Variants in ABCA5 observed in about 807,000 individuals in gnomAD.
ABCA5 encodes cholesterol transporter ABCA5.
ABCA5 carries 163 observed loss-of-function variants against 206.0 expected under a neutral mutation model. That is an observed-to-expected ratio of 0.79 (90% CI 0.70 to 0.90). ABCA5 has a LOEUF of 0.90. Among genes scored for constraint, ABCA5 ranks in the 40% least tolerant of loss-of-function variants. The pLI, the probability that ABCA5 is intolerant of heterozygous loss-of-function variation, is 0.00. For synonymous variants in ABCA5, 609 were observed against 613.8 expected, an observed-to-expected ratio of 0.99 and a Z score of 0.11; for missense variants, 1,859 against 1,912.9, an observed-to-expected ratio of 0.97 and a Z score of 0.53.
At chr17:69,274,156 T>G in intron 19 of ABCA5, 28 bp from the exon 20 acceptor site, 1 of 1,543,016 alleles carries the variant, frequency 6.5e-7, no homozygotes, top group Admixed American at 2.2e-5. Flanking sequence ...ACAACACAGC[T>G]CAGGGTACAA....
intron 22 of ABCA5, 51 bp downstream of exon 22, chr17:69,270,562 T>C: frequency 6.1e-6 from 9 of 1,469,340 alleles, no homozygotes; most frequent in Non-Finnish European, 8.2e-6. Context: ...TTAATGGTTA[T>C]TATATATATG....
At chr17:69,265,441 T>G (rs925868809) in intron 23 of ABCA5, among the ~76,000 whole-genome samples, 3 of 152,132 alleles carry the variant, frequency 2.0e-5, no homozygotes, top group African/African-American at 7.2e-5. Context: ...CATATAAATC[T>G]AAGGTGTTAT....
chr17:69,247,337 C>T lies in ABCA5; in HGVS notation c.*200G>A. On this transcript the variant is annotated 3_prime_UTR_variant, in exon 39 of 39. Transcript: ENST00000392676. ...TTCAATATACTTCAATACAAACATG[C>T]AGCTTCACTTAATTATACATACGTT... 2 of 478,964 alleles carry T rather than the reference C, an allele frequency of 4.2e-6. No homozygotes were observed. Among genetic ancestry groups the T allele is most frequent in the Admixed American group, 4.0e-5 (1 of 24,866 alleles). The allele number at this position is 478,964 out of a possible 1,614,324, so 29.7% of individuals were successfully genotyped here.
chr17:69,297,501 C>A, intron 9 of ABCA5, 142 bp from the exon 10 acceptor site: 1 of 665,808 alleles, frequency 1.5e-6, no homozygotes, highest in Non-Finnish European at 2.5e-6. Flanking sequence ...TCATGTTGTA[C>A]ACAATAAATA....
Position 69,255,630 on chromosome 17 carries a change from C to T in ABCA5, c.3981G>A (p.Glu1327=). ...KYISFCVKKG[E]ILGLLGPNGA... ...CATTTGGACCCAATAGTCCTAAGAT[C>T]TCTCCTAAAGGAATTGAAAGAAAAA... The change falls in exon 31 of 39, where the codon GAG becomes GAA. Residue 1327 remains glutamate (E), a synonymous_variant. Transcript: ENST00000392676. The T allele has an allele frequency of 3.8e-6, 6 of 1,578,120 alleles. No individual in the cohort carries two copies. The highest frequency in any genetic ancestry group is 5.1e-6 in the Non-Finnish European group (6 of 1,169,726).
intron 1 of ABCA5, among the ~76,000 whole-genome samples, chr17:69,321,285 C>T (rs185503270): frequency 8.0e-4 from 122 of 152,224 alleles, no homozygotes; most frequent in African/African-American, 2.9e-3. Context: ...TGGAGATCCA[C>T]ACAGCAGAGG....
At chr17:69,276,631 A>C (rs1207459782) in intron 19 of ABCA5, among the ~76,000 whole-genome samples, 7 of 152,120 alleles carry the variant, frequency 4.6e-5, no homozygotes, top group Non-Finnish European at 1.5e-5. Flanking sequence ...AAGGAGGGGA[A>C]CATCACACAC....
In ABCA5 at chr17:69,271,154, C is replaced by T. The variant is rs2075268882; in HGVS notation, c.2892+8G>A. On this transcript the variant is annotated splice_region_variant and intron_variant, in intron 21 of 38. Transcript: ENST00000392676. The stretch of plus-strand genomic sequence containing the variant: ...CAAATGGATATTCATTCACTGCATT[C>T]ATCTTACCTTTTCTGAATGCATCAC... 1 of 1,608,254 alleles carries T rather than the reference C, an allele frequency of 6.2e-7. No individual in the cohort carries two copies. The highest frequency in any genetic ancestry group is 8.5e-7 in the Non-Finnish European group (1 of 1,178,572).
intron 1 of ABCA5, among the ~76,000 whole-genome samples, chr17:69,320,185 CTT>C (rs2075851324): frequency 6.6e-6 from 1 of 151,894 alleles, no homozygotes; most frequent in Admixed American, 6.6e-5. Context: ...ATATCATATT[CTT>C]GGAACAAGAG....
At chr17:69,263,907 A>G (rs369886376) in intron 24 of ABCA5, among the ~76,000 whole-genome samples, 13 of 152,064 alleles carry the variant, frequency 8.5e-5, no homozygotes, top group African/African-American at 2.7e-4. Flanking sequence ...TATGTTGACC[A>G]GGATGGTCTT....
In ABCA5 at chr17:69,274,080, C is replaced by G. The variant is rs376636347; in HGVS notation, c.2643G>C (p.Leu881Phe). The change falls in exon 20 of 39, where the codon TTG (leucine) becomes TTC (phenylalanine). Residue 881 changes from leucine to phenylalanine, a missense_variant. Leu to Phe is a conservative substitution (Grantham distance 22). Transcript: ENST00000392676. ...CAGCATTTTTAAAAGAGTGATGAACCAAAAACATAAAAATCTGAACTGTGA... is the reference window on the plus strand; with the variant it reads ...CAGCATTTTTAAAAGAGTGATGAACGAAAAACATAAAAATCTGAACTGTGA... Reference protein sequence around the residue: ...IFFTVQIFMFLVHHSFKNAVV... With the variant: ...IFFTVQIFMFFVHHSFKNAVV... 2 of 1,580,554 alleles carry G rather than the reference C, an allele frequency of 1.3e-6. No homozygotes were observed. The highest frequency in any genetic ancestry group is 2.8e-5 in the African/African-American group (2 of 72,178).
chr17:69,285,918 T>C lies in ABCA5; in HGVS notation c.2252A>G (p.Lys751Arg). 1 of 1,612,428 alleles carries C rather than the reference T, an allele frequency of 6.2e-7. No individual in the cohort carries two copies. Among genetic ancestry groups the C allele is most frequent in the East Asian group, 2.2e-5 (1 of 44,766 alleles). ...DQQLVYSLPF[K>R]DMDKFSGLFS... ...AATACCTGAAAATTTGTCCATGTCCTTGAAAGGCAAGCTATACACAAGTTG... is the reference window on the plus strand; with the variant it reads ...AATACCTGAAAATTTGTCCATGTCCCTGAAAGGCAAGCTATACACAAGTTG... Residue 751 changes from lysine to arginine, a missense_variant, in exon 17 of 39, where the codon AAG becomes AGG. Coordinates refer to ENST00000392676, the MANE Select transcript of ABCA5 (RefSeq NM_172232.4).
intron 19 of ABCA5, 23 bp downstream of exon 19, chr17:69,277,618 A>T: frequency 6.3e-7 from 1 of 1,575,510 alleles, no homozygotes; most frequent in Non-Finnish European, 8.6e-7. Context: ...TCCATCAGGT[A>T]TAAGGGTGAT....
rs1354489365 is a variant in ABCA5, at chr17:69,326,536, CG to C, written c.-16+515del. Among the ~76,000 whole-genome samples the C allele has an allele frequency of 6.6e-6, 1 of 152,188 alleles. No individual in the cohort carries two copies. Among genetic ancestry groups the C allele is most frequent in the Non-Finnish European group, 1.5e-5 (1 of 68,040 alleles). ...CTCCCAAACTGTGTCATGAGATCTG[CG>C]CATTTTCTTCTCACTGAAACTCCTT... On this transcript the variant is annotated intron_variant, in intron 1 of 38. Transcript: ENST00000392676. This position sits in a 1 kb window ranked among gnomAD's most constrained non-coding sequence, Gnocchi z 4.8.
chr17:69,306,648 C>G, intron 6 of ABCA5, 77 bp downstream of exon 6: 1 of 725,606 alleles, frequency 1.4e-6, no homozygotes, highest in African/African-American at 1.9e-5. Flanking sequence ...AGGTAAATAT[C>G]AAAATTACAA....
intron 18 of ABCA5, among the ~76,000 whole-genome samples, chr17:69,281,067 T>A (rs16966875): frequency 6.6e-6 from 1 of 151,242 alleles, no homozygotes; most frequent in South Asian, 2.1e-4. Context: ...AATAAAAAAA[T>A]AAAATTCTAC....
intron 7 of ABCA5, among the ~76,000 whole-genome samples, 198 bp from the exon 8 acceptor site, chr17:69,303,104 T>C (rs778541328): frequency 8.5e-5 from 13 of 152,098 alleles, no homozygotes; most frequent in Non-Finnish European, 1.3e-4. Flanking sequence ...AACTAACAAA[T>C]ATTTTTGTGT....
At chr17:69,289,043 G>T (rs527537176) in intron 14 of ABCA5, 134 bp downstream of exon 14, 2 of 851,950 alleles carry the variant, frequency 2.3e-6, no homozygotes, top group Non-Finnish European at 3.3e-6. Flanking sequence ...TCATTACTAT[G>T]ATTATATCCA....
At chr17:69,259,245 A>G (rs7223895) in intron 28 of ABCA5, among the ~76,000 whole-genome samples, 104,736 of 151,844 alleles carry the variant, frequency 0.69, 36,703 homozygotes, top group African/African-American at 0.8. Context: ...ACTACATGAT[A>G]AGCCCTCCAA....
Sources: allele counts gnomAD v4.1 joint callset (sites outside exome capture counted in the v4.1 genomes callset), GRCh38; gene constraint gnomAD v4.1.1; non-coding constraint Gnocchi (gnomAD v3.1); transcripts MANE v1.5; gene names NCBI Gene and HGNC (gene_info 2026-07-23, HGNC 2026-07-21).